The following KYNU variants were observed in gnomAD, a reference collection of about 807,000 sequenced individuals.
The protein encoded by KYNU is L-kynurenine hydrolase.
Under a neutral mutation model 59.2 loss-of-function variants are expected in KYNU, and 54 were observed. The observed-to-expected ratio is 0.91, with a 90% confidence interval of 0.73 to 1.14. KYNU has a LOEUF of 1.14. Ranked by LOEUF, KYNU falls within the 50% of genes most tolerant of loss-of-function variation. The pLI is 0.00. For missense variants in KYNU, 567 were observed against 554.4 expected (o/e 1.02, Z -0.23); for synonymous variants, 177 against 192.0 (o/e 0.92, Z 0.65).
intron 10 of KYNU, chr2:142,988,741 C>T: frequency 1.2e-6 from 1 of 860,240 alleles, no homozygotes; most frequent in East Asian, 2.4e-5. Context: ...CACTCCTAAG[C>T]TTCTTTTTAA....
rs1331187152 is a variant in KYNU at position 142,989,416 on chromosome 2, A to G, written c.902+3395A>G. 6.1e-6 allele frequency: 6 copies of G among 986,272 alleles called. No individual in the cohort carries two copies. In the East Asian group the frequency reaches 6.8e-4, roughly 112 times the overall value. 61.1% of individuals were successfully genotyped at this position (986,272 alleles called of 1,614,324 possible). A position where few individuals can be genotyped will look rare whatever the true frequency, so the allele number is the denominator to read the frequency against. ...AGCCGAGAACCATATGGAGAACATC[A>G]AATACAGTGGAACAAATGTAACTGC... On this transcript the variant is annotated intron_variant, in intron 10 of 13. Coordinates refer to ENST00000264170, the MANE Select transcript of KYNU (RefSeq NM_003937.3).
intron 4 of KYNU, among the ~76,000 whole-genome samples, chr2:142,946,707 G>C (rs351693): frequency 0.093 from 14,135 of 152,150 alleles, 1,554 homozygotes; most frequent in African/African-American, 0.25. Flanking sequence ...TTTTTGAATG[G>C]TAAATAAATA....
At chr2:142,904,876 A>G (rs1463312874) in intron 2 of KYNU, among the ~76,000 whole-genome samples, 1 of 152,062 alleles carries the variant, frequency 6.6e-6, no homozygotes, top group African/African-American at 2.4e-5. Context: ...TTTCTTGACC[A>G]CAAAGAAAGG....
In KYNU at chr2:143,047,408, C is replaced by T. The variant is rs1415932471; in HGVS notation, c.*5236C>T. 3.9e-5 allele frequency: 6 copies of T among 152,146 alleles called. No homozygotes were observed. The highest frequency in any genetic ancestry group is 3.9e-4 in the Admixed American group (6 of 15,256). The allele number at this position is 152,146 out of a possible 1,614,324, so 9.4% of individuals were successfully genotyped here. ...ATCTTTTATAAAATTTAACATTTAA[C>T]TGATAATTGATACTGTATATACATG... On this transcript the variant is annotated 3_prime_UTR_variant, in exon 14 of 14. Transcript: ENST00000264170.
At chr2:143,036,725 A>G (rs1400378775) in intron 12 of KYNU, among the ~76,000 whole-genome samples, 1 of 152,252 alleles carries the variant, frequency 6.6e-6, no homozygotes, top group Non-Finnish European at 1.5e-5. Context: ...AGGAACCTCT[A>G]CTTTACTTTT....
chr2:142,996,907 T>C (rs1269268695), intron 10 of KYNU, among the ~76,000 whole-genome samples: 2 of 152,104 alleles, frequency 1.3e-5, no homozygotes, highest in African/African-American at 4.8e-5. Context: ...TCTCAAGTGA[T>C]AAAAATGAAG....
chr2:142,971,105 A>G (rs1345621782), intron 8 of KYNU: 1 of 152,042 alleles, frequency 6.6e-6, no homozygotes, highest in African/African-American at 2.4e-5. Flanking sequence ...TCATATAAAG[A>G]CTCCTGGTTT....
At chr2:142,956,609 A>G (rs1479507463) in intron 6 of KYNU, among the ~76,000 whole-genome samples, 2 of 152,214 alleles carry the variant, frequency 1.3e-5, no homozygotes, top group African/African-American at 4.8e-5. Flanking sequence ...AAATCAATAC[A>G]AACCCCAGTG....
chr2:142,942,392 C>T (rs1683634607), intron 4 of KYNU, among the ~76,000 whole-genome samples: 1 of 152,156 alleles, frequency 6.6e-6, no homozygotes, highest in South Asian at 2.1e-4. Context: ...TTGCTACTTT[C>T]TATCATTCTT....
intron 2 of KYNU, among the ~76,000 whole-genome samples, chr2:142,895,247 A>C (rs375030857): frequency 6.6e-6 from 1 of 152,206 alleles, no homozygotes; most frequent in African/African-American, 2.4e-5. Context: ...GAACAATTTC[A>C]TAACCCCCAA....
At chr2:142,959,490 G>A (rs1367337551) in intron 7 of KYNU, among the ~76,000 whole-genome samples, 1 of 151,994 alleles carries the variant, frequency 6.6e-6, no homozygotes, top group Non-Finnish European at 1.5e-5. Flanking sequence ...GGAGGCTGAG[G>A]CAGGAGAATC....
At chr2:143,025,943 ACT>A (rs530692539) in intron 10 of KYNU, among the ~76,000 whole-genome samples, 6 of 152,196 alleles carry the variant, frequency 3.9e-5, no homozygotes, top group Non-Finnish European at 5.9e-5. Flanking sequence ...AATTAATCAG[ACT>A]CTGCTAATTA....
chr2:142,930,679 AT>A (rs1198723526), intron 4 of KYNU, among the ~76,000 whole-genome samples: 1 of 152,164 alleles, frequency 6.6e-6, no homozygotes, highest in East Asian at 1.9e-4. Flanking sequence ...ACACCTAAGG[AT>A]ACCAGCTCTA....
In KYNU at chr2:143,046,814, G is replaced by A. The variant is rs1262580582; in HGVS notation, c.*4642G>A. 2 of 151,858 alleles carry A rather than the reference G, an allele frequency of 1.3e-5. No individual in the cohort carries two copies. Among genetic ancestry groups the A allele is most frequent in the East Asian group, 3.9e-4 (2 of 5,186 alleles). The allele number at this position is 151,858 out of a possible 1,614,324, so 9.4% of individuals were successfully genotyped here. A position where few individuals can be genotyped will look rare whatever the true frequency, so the allele number is the denominator to read the frequency against. ...TTTTGAATACATCTAAATAAATTTA[G>A]AATAAATCTATTGTGTTCCATAAAA... is the stretch of plus-strand genomic sequence containing the variant. On this transcript the variant is annotated 3_prime_UTR_variant, in exon 14 of 14. Transcript: ENST00000264170.
chr2:142,985,127 T>A lies in KYNU; in HGVS notation c.773T>A (p.Val258Asp). 6.2e-7 allele frequency: 1 copy of A among 1,611,826 alleles called. No homozygotes were observed. Among genetic ancestry groups the A allele is most frequent in the Non-Finnish European group, 8.5e-7 (1 of 1,178,354 alleles). ...GATCTAGCACATGCAGTTGGAAATGTTGAACTCTACTTACATGACTGGGGA... is the reference window on the plus strand; with the variant it reads ...GATCTAGCACATGCAGTTGGAAATGATGAACTCTACTTACATGACTGGGGA... Reference protein sequence around the residue: ...GFDLAHAVGNVELYLHDWGVD... With the variant: ...GFDLAHAVGNDELYLHDWGVD... Residue 258 changes from valine (V) to aspartate (D), a missense_variant, in exon 9 of 14, where the codon GTT (valine) becomes GAT (aspartate). By Grantham distance (152) the Val-to-Asp change is radical. Transcript: ENST00000264170.
At chr2:142,978,960 GCTA>G (rs1684973961) in intron 8 of KYNU, among the ~76,000 whole-genome samples, 1 of 152,026 alleles carries the variant, frequency 6.6e-6, no homozygotes, top group South Asian at 2.1e-4. Context: ...GAGCTTTAAT[GCTA>G]CTAGGAAAAT....
At chr2:142,984,676 T>A (rs1344452354) in intron 8 of KYNU, among the ~76,000 whole-genome samples, 1 of 152,046 alleles carries the variant, frequency 6.6e-6, no homozygotes, top group Admixed American at 6.6e-5. Context: ...TAATGAAAAT[T>A]GATCATTTTT....
chr2:142,931,785 G>T (rs747544314), intron 4 of KYNU, among the ~76,000 whole-genome samples: 9 of 152,214 alleles, frequency 5.9e-5, no homozygotes, highest in African/African-American at 2.2e-4. Flanking sequence ...AGGCCTGTAG[G>T]GTGTGTGGGG....
chr2:143,040,679 T>C, intron 13 of KYNU, 21 bp downstream of exon 13: 1 of 1,525,408 alleles, frequency 6.6e-7, no homozygotes. Context: ...CTTGCTTTGC[T>C]ACCAGATTTT....
Sources: gnomAD v4.1 joint callset for allele counts (sites outside exome capture counted in the v4.1 genomes callset) on GRCh38, gnomAD v4.1.1 for gene constraint, MANE v1.5 for transcripts, NCBI Gene and HGNC (gene_info 2026-07-23, HGNC 2026-07-21) for gene names.